HNF1B: variants seen among roughly 807,000 people sequenced by gnomAD.
HNF1B encodes hepatocyte nuclear factor 1-beta.
HNF1B carries 8 observed loss-of-function variants against 61.7 expected under a neutral mutation model. That is an observed-to-expected ratio of 0.13 (90% CI 0.08 to 0.23). The LOEUF is 0.23. Ranked by LOEUF, HNF1B falls within the 10% of genes least tolerant of loss-of-function variation. The pLI is 1.00. For missense variants in HNF1B, 562 were observed against 714.5 expected, an observed-to-expected ratio of 0.79 and a Z score of 2.43; for synonymous variants, 314 against 287.7, an observed-to-expected ratio of 1.09 and a Z score of -0.93.
intron 2 of HNF1B, among the ~76,000 whole-genome samples, chr17:37,734,882 G>C (rs185847105): frequency 1.3e-5 from 2 of 149,252 alleles, no homozygotes; most frequent in African/African-American, 5.0e-5. Flanking sequence ...TCCGCCTCCC[G>C]GGTTCAAACA....
chr17:37,692,548 A>G (rs2032239362), intron 8 of HNF1B, among the ~76,000 whole-genome samples: 1 of 152,192 alleles, frequency 6.6e-6, no homozygotes, highest in African/African-American at 2.4e-5. Context: ...TAAGCTAGAA[A>G]AGCATCTGGG....
intron 8 of HNF1B, among the ~76,000 whole-genome samples, chr17:37,687,748 T>C (rs1041810976): frequency 6.6e-6 from 1 of 152,174 alleles, no homozygotes; most frequent in Non-Finnish European, 1.5e-5. Flanking sequence ...TGGTGAGCTC[T>C]TGCCTCTCGT....
chr17:37,707,116 A>T (rs2147463964), intron 5 of HNF1B, among the ~76,000 whole-genome samples: 1 of 121,014 alleles, frequency 8.3e-6, no homozygotes, highest in South Asian at 2.6e-4. Context: ...TATTATTTTT[A>T]ATTTTTTTTT....
chr17:37,704,781 A>C, intron 6 of HNF1B, 136 bp downstream of exon 6: 1 of 978,842 alleles, frequency 1.0e-6, no homozygotes, highest in Admixed American at 1.7e-5. Flanking sequence ...ACAGATGAGA[A>C]ACTAAAGAAG....
At chr17:37,725,103 A>C (rs1418017237) in intron 4 of HNF1B, among the ~76,000 whole-genome samples, 1 of 152,118 alleles carries the variant, frequency 6.6e-6, no homozygotes, top group Non-Finnish European at 1.5e-5. Flanking sequence ...CTCTCTCTGC[A>C]CCTGTAATAC....
At chr17:37,732,399 G>A (rs1009808601) in intron 3 of HNF1B, among the ~76,000 whole-genome samples, 5 of 152,298 alleles carry the variant, frequency 3.3e-5, no homozygotes, top group African/African-American at 4.8e-5. Flanking sequence ...AACCAGGTGC[G>A]AGAGATTCTT....
chr17:37,739,665 G>A, intron 1 of HNF1B, 26 bp from the exon 2 acceptor site: 4 of 1,564,296 alleles, frequency 2.6e-6, no homozygotes, highest in Non-Finnish European at 3.5e-6. Context: ...GATGGTTAGG[G>A]TACTAGTGGG....
chr17:37,702,174 G>A (rs2032593784), intron 6 of HNF1B, among the ~76,000 whole-genome samples: 1 of 152,188 alleles, frequency 6.6e-6, no homozygotes, highest in African/African-American at 2.4e-5. Context: ...ATGGGATGAA[G>A]AAGGAATCCA....
Position 37,744,441 on chromosome 17 carries a change from A to T in HNF1B, c.344+100T>A, listed in dbSNP as rs1467804087. On this transcript the variant is annotated intron_variant, in intron 1 of 8. Transcript: ENST00000617811. ...CCCCCCGGGGGACTTCTCTGGTGGG[A>T]AACGGGCTTGGCGAGTGTGGTCGGG... The T allele has an allele frequency of 2.6e-5, 33 of 1,257,250 alleles. 1 individual carries two copies. The highest frequency in any genetic ancestry group is 3.7e-5 in the Non-Finnish European group (33 of 881,938). The allele number at this position is 1,257,250 out of a possible 1,614,324, so 77.9% of individuals were successfully genotyped here.
chr17:37,732,415 C>T (rs2033715028), intron 3 of HNF1B, among the ~76,000 whole-genome samples: 1 of 152,188 alleles, frequency 6.6e-6, no homozygotes, highest in Non-Finnish European at 1.5e-5. Flanking sequence ...TTCTTAGACA[C>T]TACTGGGTGC....
intron 4 of HNF1B, chr17:37,730,868 G>A (rs969621126): frequency 9.7e-5 from 15 of 154,642 alleles, no homozygotes; most frequent in South Asian, 6.1e-4. Context: ...CTAACACAGC[G>A]CTCAGCATGA....
intron 2 of HNF1B, among the ~76,000 whole-genome samples, chr17:37,734,042 T>C (rs1351087276): frequency 6.6e-6 from 1 of 152,216 alleles, no homozygotes; most frequent in Non-Finnish European, 1.5e-5. Context: ...TTTCCTTTCT[T>C]TGAAGGAGCT....
intron 4 of HNF1B, among the ~76,000 whole-genome samples, chr17:37,728,266 T>C (rs1279259019): frequency 6.6e-6 from 1 of 151,988 alleles, no homozygotes; most frequent in African/African-American, 2.4e-5. Flanking sequence ...CCTTCCAAAG[T>C]TCTGGGATTT....
At chr17:37,704,847 C>T in intron 6 of HNF1B, 70 bp downstream of exon 6, 3 of 1,562,680 alleles carry the variant, frequency 1.9e-6, no homozygotes, top group African/African-American at 1.4e-5. Flanking sequence ...AGTTATTTTT[C>T]ACCACATTAA....
intron 5 of HNF1B, among the ~76,000 whole-genome samples, chr17:37,709,627 C>A (rs2032867273): frequency 6.6e-6 from 1 of 152,186 alleles, no homozygotes; most frequent in South Asian, 2.1e-4. Context: ...AAACTTGCAT[C>A]TGGGTGTGGG....
chr17:37,710,636 T>C lies in HNF1B; in HGVS notation c.1073A>G (p.Asn358Ser). Residue 358 changes from asparagine (N) to serine (S), a missense_variant, in exon 5 of 9, where the codon AAT becomes AGT. By Grantham distance (46) the Asn-to-Ser change is conservative. Coordinates refer to ENST00000617811, the MANE Select transcript of HNF1B (RefSeq NM_000458.4). ...GATTGTTGAGGAGGAAGTGATCTCA[T>C]TGTTTCCCTGCTGGCTGTAGCGCAC... ...SGVRYSQQGN[N>S]EITSSSTISH... The C allele has an allele frequency of 6.2e-7, 1 of 1,614,088 alleles. No homozygotes were observed. The highest frequency in any genetic ancestry group is 8.5e-7 in the Non-Finnish European group (1 of 1,179,992).
chr17:37,738,679 C>T (rs1369694047), intron 2 of HNF1B, among the ~76,000 whole-genome samples: 2 of 152,210 alleles, frequency 1.3e-5, no homozygotes, highest in Admixed American at 1.3e-4. Context: ...TCTAGACGTA[C>T]TTCAAAACAA....
chr17:37,689,654 G>A (rs1231167756), intron 8 of HNF1B, among the ~76,000 whole-genome samples: 1 of 152,268 alleles, frequency 6.6e-6, no homozygotes, highest in African/African-American at 2.4e-5. Flanking sequence ...ATCTCTGAGA[G>A]ACCGCGGGGC....
rs1201522952 is a variant in HNF1B at position 37,733,592 on chromosome 17, C to T, written c.774G>A (p.Lys258=). 1 of 1,614,176 alleles carries T rather than the reference C, an allele frequency of 6.2e-7. No homozygotes were observed. Residue 258 remains lysine (K), a synonymous_variant, in exon 3 of 9, where the codon AAG becomes AAA. Transcript: ENST00000617811. ...QAYDRQKNPS[K]EEREALVEEC... ...CCTCCACTAAGGCCTCTCTCTCTTC[C>T]TTGCTGGGGTTCTTTTGCCGATCGT...
Sources: gnomAD v4.1 joint callset for allele counts (sites outside exome capture counted in the v4.1 genomes callset) on GRCh38, gnomAD v4.1.1 for gene constraint, MANE v1.5 for transcripts, NCBI Gene and HGNC (gene_info 2026-07-23, HGNC 2026-07-21) for gene names.